Variants in PDGFC observed in about 807,000 individuals in gnomAD.
The protein encoded by PDGFC is platelet derived growth factor C, also known as platelet-derived growth factor C.
PDGFC carries 12 observed loss-of-function variants against 35.5 expected under a neutral mutation model. That is an observed-to-expected ratio of 0.34 (90% CI 0.22 to 0.55). The LOEUF (loss-of-function observed/expected upper bound fraction) is 0.55, where lower values mean the gene tolerates loss of function less well. PDGFC is among the 20% of genes least tolerant of loss of function. The probability of loss-of-function intolerance (pLI) is 0.91; values close to 1 mark genes in which losing one functional copy is unlikely to be tolerated. For synonymous variants in PDGFC, 159 were observed against 148.8 expected, an observed-to-expected ratio of 1.07 and a Z score of -0.50; for missense variants, 322 against 412.4, an observed-to-expected ratio of 0.78 and a Z score of 1.90.
intron 2 of PDGFC, among the ~76,000 whole-genome samples, chr4:156,839,891 G>C (rs1317799826): frequency 6.6e-6 from 1 of 152,186 alleles, no homozygotes; most frequent in African/African-American, 2.4e-5. Context: ...CTTTAGGAAA[G>C]AGACTGGCGG....
chr4:156,815,291 T>C (rs770653942), intron 2 of PDGFC, among the ~76,000 whole-genome samples: 3 of 151,414 alleles, frequency 2.0e-5, no homozygotes, highest in Non-Finnish European at 2.9e-5. Context: ...AAGACATCTA[T>C]GGAATTTAAA....
intron 2 of PDGFC, among the ~76,000 whole-genome samples, chr4:156,824,325 T>TATATATATATACACACATACAC (rs1313538089): frequency 9.1e-6 from 1 of 109,632 alleles, no homozygotes; most frequent in African/African-American, 4.8e-5. Context: ...TATATATATA[T>TATATATATATACACACATACAC]ATACACACAC....
chr4:156,772,467 T>A (rs1469865700), intron 4 of PDGFC, among the ~76,000 whole-genome samples: 1 of 152,090 alleles, frequency 6.6e-6, no homozygotes, highest in Non-Finnish European at 1.5e-5. Context: ...TTCAGAAGTA[T>A]CCCCCTTTCA....
At chr4:156,878,407 G>C (rs758284482) in intron 1 of PDGFC, among the ~76,000 whole-genome samples, 46 of 152,138 alleles carry the variant, frequency 3.0e-4, no homozygotes, top group Middle Eastern at 6.8e-3. Flanking sequence ...AAATTCACCA[G>C]AAAATTGTAA....
At chr4:156,805,742 A>G (rs1014384039) in intron 3 of PDGFC, among the ~76,000 whole-genome samples, 8 of 152,072 alleles carry the variant, frequency 5.3e-5, no homozygotes, top group Admixed American at 2.0e-4. Flanking sequence ...ACCTACTGGC[A>G]TATGTCAGAA....
intron 2 of PDGFC, among the ~76,000 whole-genome samples, chr4:156,828,676 T>C (rs1453319733): frequency 6.6e-6 from 1 of 152,180 alleles, no homozygotes; most frequent in Non-Finnish European, 1.5e-5. Context: ...GAAATATAAT[T>C]AGCATGTGTG....
chr4:156,852,898 T>G (rs1465006161), intron 1 of PDGFC, among the ~76,000 whole-genome samples: 1 of 152,122 alleles, frequency 6.6e-6, no homozygotes, highest in Non-Finnish European at 1.5e-5. Context: ...AATGAACAAC[T>G]CAGTTCTGAA....
intron 1 of PDGFC, among the ~76,000 whole-genome samples, chr4:156,860,581 GA>G (rs1003361262): frequency 7.6e-4 from 114 of 149,512 alleles, no homozygotes; most frequent in African/African-American, 2.2e-3. Context: ...AACTAATTGG[GA>G]AAAAAAAATG....
chr4:156,791,504 T>A (rs868393253), intron 3 of PDGFC, among the ~76,000 whole-genome samples: 1 of 145,348 alleles, frequency 6.9e-6, no homozygotes, highest in East Asian at 2.0e-4. Flanking sequence ...TAGGACAGTT[T>A]AAAAAAAAAA....
intron 3 of PDGFC, among the ~76,000 whole-genome samples, chr4:156,790,946 A>T (rs149242990): frequency 1.3e-4 from 20 of 152,280 alleles, no homozygotes; most frequent in African/African-American, 3.6e-4. Flanking sequence ...TACATCCTAC[A>T]TTGGCATCAA....
chr4:156,872,916 GC>G (rs1337216812), intron 1 of PDGFC, among the ~76,000 whole-genome samples: 1 of 152,064 alleles, frequency 6.6e-6, no homozygotes, highest in Non-Finnish European at 1.5e-5. Context: ...AATCACTTGA[GC>G]CCATGAGTTC....
At chr4:156,954,633 T>A (rs1732162328) in intron 1 of PDGFC, among the ~76,000 whole-genome samples, 1 of 152,042 alleles carries the variant, frequency 6.6e-6, no homozygotes, top group Non-Finnish European at 1.5e-5. Flanking sequence ...GATACATTTT[T>A]TTTTCTTATT....
chr4:156,920,644 AAC>A (rs10611712), intron 1 of PDGFC, among the ~76,000 whole-genome samples: 51,544 of 131,512 alleles, frequency 0.39, 9,674 homozygotes, highest in Middle Eastern at 0.49. Flanking sequence ...AGGAAAAGAA[AAC>A]ACACACACAC....
rs370668840 is a variant in PDGFC at position 156,839,266 on chromosome 4, C to T, written c.314+10955G>A. The stretch of plus-strand genomic sequence containing the variant: ...AGCCCTGCCTCAGCTTCTCTCCCAA[C>T]ACTCAGCTTTTCTCCCAACATGGGG... On this transcript the variant is annotated intron_variant, in intron 2 of 5. Coordinates refer to ENST00000502773, the MANE Select transcript of PDGFC (RefSeq NM_016205.3). Among the ~76,000 whole-genome samples the T allele has an allele frequency of 3.0e-4, 45 of 152,316 alleles. 1 individual carries two copies. Among genetic ancestry groups the T allele is most frequent in the African/African-American group, 1.1e-3 (44 of 41,574 alleles).
intron 1 of PDGFC, among the ~76,000 whole-genome samples, chr4:156,856,416 G>C (rs374246076): frequency 6.6e-6 from 1 of 152,072 alleles, no homozygotes; most frequent in African/African-American, 2.4e-5. Context: ...CTCTTCATGC[G>C]ATAACCTCTA....
intron 2 of PDGFC, among the ~76,000 whole-genome samples, chr4:156,811,305 T>G (rs1430945341): frequency 2.0e-5 from 3 of 152,116 alleles, no homozygotes; most frequent in Non-Finnish European, 4.4e-5. Context: ...AGCAACCCTA[T>G]CTGACATTCG....
At chr4:156,948,215 T>TAA (rs571372509) in intron 1 of PDGFC, among the ~76,000 whole-genome samples, 1 of 102,664 alleles carries the variant, frequency 9.7e-6, no homozygotes, top group Non-Finnish European at 2.1e-5. Context: ...GATGTACAGC[T>TAA]AAAAAAAAAA....
At chr4:156,879,840 C>T (rs1404925615) in intron 1 of PDGFC, among the ~76,000 whole-genome samples, 1 of 152,182 alleles carries the variant, frequency 6.6e-6, no homozygotes, top group African/African-American at 2.4e-5. Flanking sequence ...TTCAAGGATA[C>T]AACTTTCTGT....
At chr4:156,886,345 T>C (rs1018229677) in intron 1 of PDGFC, among the ~76,000 whole-genome samples, 4 of 152,216 alleles carry the variant, frequency 2.6e-5, no homozygotes, top group Non-Finnish European at 4.4e-5. Flanking sequence ...ACCAAAAGGT[T>C]AACTGCTACT....
Sources: allele counts gnomAD v4.1 joint callset (sites outside exome capture counted in the v4.1 genomes callset), GRCh38; gene constraint gnomAD v4.1.1; transcripts MANE v1.5; gene names NCBI Gene and HGNC (gene_info 2026-07-23, HGNC 2026-07-21).